LGALS12: variants seen among roughly 807,000 people sequenced by gnomAD.
The protein encoded by LGALS12 is galectin-12.
A neutral mutation model predicts 36.8 loss-of-function variants in LGALS12; 36 were observed. That is an observed-to-expected ratio of 0.98 (90% CI 0.75 to 1.29). LGALS12 has a LOEUF of 1.29. LGALS12 is among the 50% of genes most tolerant of loss of function. The pLI, the probability that LGALS12 is intolerant of heterozygous loss-of-function variation, is 0.00. For synonymous variants in LGALS12, 145 were observed against 155.9 expected, an observed-to-expected ratio of 0.93 and a Z score of 0.52; for missense variants, 366 against 394.3, an observed-to-expected ratio of 0.93 and a Z score of 0.61.
chr11:63,512,263 C>A (rs952657767), intron 7 of LGALS12, among the ~76,000 whole-genome samples: 5 of 152,218 alleles, frequency 3.3e-5, no homozygotes, highest in African/African-American at 9.6e-5. Context: ...TGGAGGGACC[C>A]AGTGACTAAG....
intron 1 of LGALS12, chr11:63,508,241 A>C: frequency 8.2e-7 from 1 of 1,214,798 alleles, no homozygotes; most frequent in Non-Finnish European, 1.0e-6. Context: ...AGTGGATGGC[A>C]AGCCTCCCTG....
intron 7 of LGALS12, among the ~76,000 whole-genome samples, chr11:63,512,568 A>G (rs2016958682): frequency 6.6e-6 from 1 of 152,196 alleles, no homozygotes; most frequent in African/African-American, 2.4e-5. Flanking sequence ...AGGCGGGTGG[A>G]TCACGAGGTC....
intron 7 of LGALS12, among the ~76,000 whole-genome samples, chr11:63,513,781 G>A (rs998580222): frequency 2.6e-5 from 4 of 152,114 alleles, no homozygotes; most frequent in African/African-American, 9.7e-5. Flanking sequence ...CCTCGTTATT[G>A]AGTGGGAGTG....
At chr11:63,511,680 G>T in intron 6 of LGALS12, 72 bp from the exon 7 acceptor site, 1 of 1,087,838 alleles carries the variant, frequency 9.2e-7, no homozygotes. Context: ...TGCTCCCCTG[G>T]CCCCCGGGGA....
intron 4 of LGALS12, 66 bp downstream of exon 4, chr11:63,509,963 GC>G: frequency 6.4e-7 from 1 of 1,559,818 alleles, no homozygotes; most frequent in South Asian, 1.2e-5. Context: ...TCCTGGACGG[GC>G]CTGGGACCCC....
Position 63,516,764 on chromosome 11 carries a change from G to A in LGALS12, c.*371G>A, listed in dbSNP as rs571777586. 4 of 229,188 alleles carry A rather than the reference G, an allele frequency of 1.7e-5. No individual in the cohort carries two copies. The highest frequency in any genetic ancestry group is 2.9e-4 in the East Asian group (2 of 6,872). 14.2% of individuals were successfully genotyped at this position (229,188 alleles called of 1,614,324 possible). ...ATTTGTGGTCAAATAAATAAATAAG[G>A]TTATTTATTTATTTCGTTCTCATCT... On this transcript the variant is annotated 3_prime_UTR_variant, in exon 9 of 9. Transcript: ENST00000394618.
chr11:63,515,176 A>C (rs942293432), intron 7 of LGALS12, among the ~76,000 whole-genome samples: 1 of 152,224 alleles, frequency 6.6e-6, no homozygotes, highest in African/African-American at 2.4e-5. Flanking sequence ...TGCTGTTTGG[A>C]AAACATTTAA....
chr11:63,516,134 G>A (rs536105513), intron 8 of LGALS12, 113 bp from the exon 9 acceptor site: 46 of 1,347,134 alleles, frequency 3.4e-5, no homozygotes, highest in Non-Finnish European at 4.6e-5. Flanking sequence ...GGTGCCCCCT[G>A]GGTCCAGTCT....
intron 4 of LGALS12, 82 bp downstream of exon 4, chr11:63,509,979 T>G (rs1238542610): frequency 6.6e-7 from 1 of 1,510,030 alleles, no homozygotes; most frequent in African/African-American, 1.4e-5. Context: ...GACCCCTTCC[T>G]CCACCCTAGA....
chr11:63,508,155 C>T (rs1056196540), intron 1 of LGALS12: 7 of 1,059,384 alleles, frequency 6.6e-6, no homozygotes, highest in Non-Finnish European at 3.4e-6. Flanking sequence ...TCTTGCCTCC[C>T]AGTTCCTAGT....
chr11:63,516,098 T>C (rs1295778276), intron 8 of LGALS12, 149 bp from the exon 9 acceptor site: 2 of 977,408 alleles, frequency 2.0e-6, no homozygotes, highest in Non-Finnish European at 2.9e-6. Context: ...GGGCCCCTTA[T>C]CCTGTTCTTT....
Position 63,506,341 on chromosome 11 carries a change from G to A in LGALS12, c.-118G>A. The A allele has an allele frequency of 6.2e-7, 1 of 1,610,956 alleles. No individual in the cohort carries two copies. Among genetic ancestry groups the A allele is most frequent in the African/African-American group, 1.3e-5 (1 of 74,980 alleles). On this transcript the variant is annotated 5_prime_UTR_variant, in exon 1 of 9. Transcript: ENST00000394618. ...TTAAAACGCTGCAGGTCGCAGGTGA[G>A]ACTAACAGCTGGGAGAGCTGCTCCA...
rs754432350 is a variant in LGALS12, at chr11:63,508,566, T to C, written c.83T>C (p.Val28Ala). 5.0e-6 allele frequency: 8 copies of C among 1,614,184 alleles called. No individual in the cohort carries two copies. Among genetic ancestry groups the C allele is most frequent in the Non-Finnish European group, 1.7e-6 (2 of 1,180,030 alleles). ...PPVFHPVVPY[V>A]TTIFGGLHAG... ...TTTCTTGTTCAGGTGGTTCCTTATG[T>C]CACGACGATTTTTGGAGGCCTGCAT... The change falls in exon 2 of 9, where the codon GTC becomes GCC. Residue 28 changes from valine (V) to alanine (A), a missense_variant. Physicochemically the swap from Val to Ala is moderately conservative, Grantham distance 64. Coordinates refer to ENST00000394618, the MANE Select transcript of LGALS12 (RefSeq NM_033101.4).
At chr11:63,515,930 G>T (rs978158949) in intron 8 of LGALS12, among the ~76,000 whole-genome samples, 1 of 152,110 alleles carries the variant, frequency 6.6e-6, no homozygotes, top group African/African-American at 2.4e-5. Context: ...TGCAGGTGGG[G>T]GGGGGCCCAG....
intron 1 of LGALS12, 67 bp downstream of exon 1, chr11:63,506,594 C>G: frequency 6.3e-7 from 1 of 1,598,328 alleles, no homozygotes; most frequent in African/African-American, 1.3e-5. Context: ...TGGGCCCACA[C>G]TCCTGGGTGG....
intron 1 of LGALS12, among the ~76,000 whole-genome samples, chr11:63,507,406 A>T (rs563759698): frequency 6.6e-6 from 1 of 152,320 alleles, no homozygotes; most frequent in East Asian, 1.9e-4. Context: ...CATCCTGCTC[A>T]CATTCATTCC....
intron 7 of LGALS12, among the ~76,000 whole-genome samples, chr11:63,513,948 C>T (rs1163790762): frequency 1.3e-5 from 2 of 152,154 alleles, no homozygotes; most frequent in Non-Finnish European, 2.9e-5. Context: ...ACTGAGGCCT[C>T]CTCACCAGGA....
At chr11:63,508,251 G>T (rs565844613) in intron 1 of LGALS12, 3 of 1,245,142 alleles carry the variant, frequency 2.4e-6, no homozygotes, top group Admixed American at 7.8e-5. Flanking sequence ...AAGCCTCCCT[G>T]GGGTCACTGC....
chr11:63,514,564 T>C (rs1409842960), intron 7 of LGALS12, among the ~76,000 whole-genome samples: 2 of 152,082 alleles, frequency 1.3e-5, no homozygotes, highest in Non-Finnish European at 2.9e-5. Flanking sequence ...AGCAAGACTC[T>C]GTCTCAAAAA....
Sources: allele counts gnomAD v4.1 joint callset (sites outside exome capture counted in the v4.1 genomes callset), GRCh38; gene constraint gnomAD v4.1.1; transcripts MANE v1.5; gene names NCBI Gene and HGNC (gene_info 2026-07-23, HGNC 2026-07-21).